BNC2: variants seen among roughly 807,000 people sequenced by gnomAD.
BNC2 encodes basonuclin zinc finger protein 2.
A neutral mutation model predicts 76.3 loss-of-function variants in BNC2; 20 were observed. The ratio of observed to expected loss-of-function variants is 0.26; its 90% confidence interval spans 0.18 to 0.38. The LOEUF (loss-of-function observed/expected upper bound fraction) is 0.38, where lower values mean the gene tolerates loss of function less well. Among genes scored for constraint, BNC2 ranks in the 10% least tolerant of loss-of-function variants. BNC2 has a pLI of 1.00. For synonymous variants in BNC2, 582 were observed against 514.8 expected (o/e 1.13, Z -1.77); for missense variants, 1,382 against 1,399.8 (o/e 0.99, Z 0.20).
At chr9:16,689,131 CA>C in intron 3 of BNC2, among the ~76,000 whole-genome samples, 1 of 130,950 alleles carries the variant, frequency 7.6e-6, no homozygotes, top group Non-Finnish European at 1.5e-5. Context: ...CACACACACA[CA>C]CATACACACA....
intron 1 of BNC2, among the ~76,000 whole-genome samples, chr9:16,835,853 G>C (rs1019858966): frequency 2.0e-5 from 3 of 152,156 alleles, no homozygotes; most frequent in Non-Finnish European, 2.9e-5. Context: ...AAGAATTGGC[G>C]TCTAAAGTTG....
chr9:16,647,657 C>A (rs1388043697), intron 3 of BNC2, among the ~76,000 whole-genome samples: 1 of 152,030 alleles, frequency 6.6e-6, no homozygotes, highest in Non-Finnish European at 1.5e-5. Flanking sequence ...GAGGGTTTAT[C>A]AGGTTAAAGG....
intron 1 of BNC2, among the ~76,000 whole-genome samples, chr9:16,748,098 G>A (rs1325136130): frequency 1.3e-5 from 2 of 152,168 alleles, no homozygotes; most frequent in Non-Finnish European, 2.9e-5. Context: ...AGTAAATACT[G>A]TGTACTATCA....
At chr9:16,453,996 C>T (rs1250241129) in intron 5 of BNC2, among the ~76,000 whole-genome samples, 1 of 152,138 alleles carries the variant, frequency 6.6e-6, no homozygotes, top group East Asian at 1.9e-4. Context: ...ATACTCCCAC[C>T]ACCAACGTTT....
rs79406349 is a variant in BNC2, at chr9:16,445,492, C to CT, written c.670-7969dup. 6.8e-4 allele frequency among the ~76,000 whole-genome samples: 100 copies of CT among 147,002 alleles called. 1 individual carries two copies. The highest frequency in any genetic ancestry group is 2.0e-3 in the African/African-American group (80 of 40,266). ...ATGTACCAAATGGTTCAAATTAGAACTTTTTTTTTTTTAAATCAACATTTG... is the reference window on the plus strand; with the variant it reads ...ATGTACCAAATGGTTCAAATTAGAACTTTTTTTTTTTTTAAATCAACATTTG... On this transcript the variant is annotated intron_variant, in intron 5 of 6. Coordinates refer to ENST00000380672, the MANE Select transcript of BNC2 (RefSeq NM_017637.6).
chr9:16,503,010 C>A (rs1822552658), intron 5 of BNC2, among the ~76,000 whole-genome samples: 1 of 152,142 alleles, frequency 6.6e-6, no homozygotes. Flanking sequence ...TCCAAAAGCA[C>A]ATGGAAGTTA....
Position 16,678,267 on chromosome 9 carries a change from CTTTTTTTTTTT to C in BNC2, c.330+49519_330+49529del, listed in dbSNP as rs140809930. On this transcript the variant is annotated intron_variant, in intron 3 of 6. Transcript: ENST00000380672. ...ACTTGTAACTGTTTTCTTTCTTTTT[CTTTTTTTTTTT>C]TTTTTTTTTTTTTTTTTTGAGACAG... Among the ~76,000 whole-genome samples, 27 of 80,746 alleles carry C rather than the reference CTTTTTTTTTTT, an allele frequency of 3.3e-4. 2 individuals are homozygous for C. The East Asian group carries it at 5.0e-3, about 15-fold the overall frequency. The allele number at this position is 80,746 out of a possible 152,430, so 53.0% of individuals were successfully genotyped here. A position where few individuals can be genotyped will look rare whatever the true frequency, so the allele number is the denominator to read the frequency against.
At chr9:16,662,182 C>A (rs1822128693) in intron 3 of BNC2, among the ~76,000 whole-genome samples, 1 of 152,156 alleles carries the variant, frequency 6.6e-6, no homozygotes, top group South Asian at 2.1e-4. Context: ...ACTTTGTGTA[C>A]TCAGAATAGA....
At chr9:16,589,596 C>A (rs908953734) in intron 3 of BNC2, among the ~76,000 whole-genome samples, 1 of 152,006 alleles carries the variant, frequency 6.6e-6, no homozygotes, top group South Asian at 2.1e-4. Flanking sequence ...GCAACCTCCG[C>A]CTCCAGGGTT....
chr9:16,553,127 T>C (rs1818715586), intron 4 of BNC2, among the ~76,000 whole-genome samples: 2 of 152,178 alleles, frequency 1.3e-5, no homozygotes, highest in African/African-American at 2.4e-5. Context: ...CGAGTGACGA[T>C]GGTGTCCCCT....
chr9:16,545,969 G>T (rs776953564), intron 5 of BNC2, among the ~76,000 whole-genome samples: 1 of 152,196 alleles, frequency 6.6e-6, no homozygotes, highest in Non-Finnish European at 1.5e-5. Context: ...CTTCTGCTGT[G>T]TTATGCCACT....
At chr9:16,526,530 G>A (rs1425579219) in intron 5 of BNC2, among the ~76,000 whole-genome samples, 1 of 122,528 alleles carries the variant, frequency 8.2e-6, no homozygotes, top group Middle Eastern at 6.9e-3. Flanking sequence ...CATTTCCTGA[G>A]CCACGTCTGA....
Position 16,436,076 on chromosome 9 carries a change from C to A in BNC2, c.2118G>T (p.Arg706Ser), listed in dbSNP as rs1257731791. 6.2e-7 allele frequency: 1 copy of A among 1,614,016 alleles called. No homozygotes were observed. Among genetic ancestry groups the A allele is most frequent in the African/African-American group, 1.3e-5 (1 of 74,910 alleles). Residue 706 changes from arginine (R) to serine (S), a missense_variant, in exon 6 of 7, where the codon AGG becomes AGT. Physicochemically the swap from Arg to Ser is moderately radical, Grantham distance 110. Transcript: ENST00000380672. ...RTRCISRTEI[R>S]RADSMTSEDQ... ...CTTCAGAAGTCATGCTGTCGGCCCT[C>A]CTTATTTCAGTCCTTGAAATGCACC...
chr9:16,772,721 T>G (rs1196348707), intron 1 of BNC2, among the ~76,000 whole-genome samples: 2 of 152,228 alleles, frequency 1.3e-5, no homozygotes, highest in Non-Finnish European at 2.9e-5. Context: ...TTGAAGGTGC[T>G]GGAATCTTTT....
chr9:16,487,239 A>G (rs1822184253), intron 5 of BNC2, among the ~76,000 whole-genome samples: 1 of 152,164 alleles, frequency 6.6e-6, no homozygotes, highest in African/African-American at 2.4e-5. Flanking sequence ...AGAGGATGTA[A>G]TAACAGCAGT....
At chr9:16,441,554 G>A (rs1821128689) in intron 5 of BNC2, among the ~76,000 whole-genome samples, 1 of 152,178 alleles carries the variant, frequency 6.6e-6, no homozygotes, top group South Asian at 2.1e-4. Context: ...GTATGGTTTG[G>A]TGCTTTGATT....
intron 3 of BNC2, among the ~76,000 whole-genome samples, chr9:16,594,990 A>G (rs984017428): frequency 2.6e-5 from 4 of 152,192 alleles, no homozygotes; most frequent in African/African-American, 9.6e-5. Flanking sequence ...CAACTTGAAA[A>G]GTGAAAATGC....
intron 3 of BNC2, among the ~76,000 whole-genome samples, chr9:16,596,920 G>GT (rs1490872102): frequency 6.6e-6 from 1 of 152,132 alleles, no homozygotes; most frequent in Non-Finnish European, 1.5e-5. Context: ...ATAACAGGCT[G>GT]TAATTAGAAT....
Position 16,660,271 on chromosome 9 carries a change from A to G in BNC2, c.330+67526T>C, listed in dbSNP as rs932403465. Reference sequence around the variant, plus strand: ...GCAGTTCAAGACCAGCCTGTCCAACATGGAGAAACTCTGTCTCTACTAAAA... The same window carrying G: ...GCAGTTCAAGACCAGCCTGTCCAACGTGGAGAAACTCTGTCTCTACTAAAA... On this transcript the variant is annotated intron_variant, in intron 3 of 6. Transcript: ENST00000380672. 7.9e-5 allele frequency among the ~76,000 whole-genome samples: 12 copies of G among 152,304 alleles called. No individual in the cohort carries two copies. In the South Asian group the frequency reaches 2.3e-3, roughly 29 times the overall value.
Sources: allele counts gnomAD v4.1 joint callset (sites outside exome capture counted in the v4.1 genomes callset), GRCh38; gene constraint gnomAD v4.1.1; transcripts MANE v1.5; gene names NCBI Gene and HGNC (gene_info 2026-07-23, HGNC 2026-07-21).